ANO3: variants seen among roughly 807,000 people sequenced by gnomAD.
The protein encoded by ANO3 is anoctamin-3.
Under a neutral mutation model 144.8 loss-of-function variants are expected in ANO3, and 99 were observed. The ratio of observed to expected loss-of-function variants is 0.68; its 90% CI spans 0.58 to 0.81. The LOEUF (loss-of-function observed/expected upper bound fraction) is 0.81, where lower values mean the gene tolerates loss of function less well. Ranked by LOEUF, ANO3 falls within the 30% of genes least tolerant of loss-of-function variation. The probability of loss-of-function intolerance (pLI) is 0.00; values close to 1 mark genes in which losing one functional copy is unlikely to be tolerated. For missense variants in ANO3, 905 were observed against 1,202.2 expected (o/e 0.75, Z 3.66); for synonymous variants, 414 against 392.6 (o/e 1.05, Z -0.64).
chr11:26,631,032 T>C (rs971882821), intron 18 of ANO3, among the ~76,000 whole-genome samples: 21 of 152,026 alleles, frequency 1.4e-4, no homozygotes, highest in Admixed American at 2.6e-4. Flanking sequence ...ACCTACCTAT[T>C]TTTGAGCCAT....
chr11:26,231,323 G>A (rs908996940), intron 1 of ANO3, among the ~76,000 whole-genome samples: 1 of 152,148 alleles, frequency 6.6e-6, no homozygotes, highest in Non-Finnish European at 1.5e-5. Context: ...TGCTGAGAGT[G>A]GCCAAGCTCT....
intron 1 of ANO3, among the ~76,000 whole-genome samples, chr11:26,252,825 C>A (rs1378170574): frequency 6.6e-6 from 1 of 152,114 alleles, no homozygotes; most frequent in Non-Finnish European, 1.5e-5. Flanking sequence ...AAAGTATGAA[C>A]AAAATTCACA....
intron 1 of ANO3, among the ~76,000 whole-genome samples, chr11:26,419,211 A>C (rs1429932163): frequency 6.6e-6 from 1 of 152,120 alleles, no homozygotes; most frequent in Non-Finnish European, 1.5e-5. Flanking sequence ...AGATCTTATG[A>C]GAACTCTATC....
At chr11:26,260,175 T>C (rs1564937828) in intron 1 of ANO3, among the ~76,000 whole-genome samples, 1 of 151,994 alleles carries the variant, frequency 6.6e-6, no homozygotes, top group Admixed American at 6.6e-5. Flanking sequence ...TCTTTATCTC[T>C]TGATAAGGAA....
chr11:26,564,998 T>C (rs567249833), intron 14 of ANO3, among the ~76,000 whole-genome samples: 36 of 151,260 alleles, frequency 2.4e-4, no homozygotes, highest in Middle Eastern at 6.8e-3. Flanking sequence ...CTAAAACCAC[T>C]TCACTATTTC....
chr11:26,273,449 C>T (rs1853490459), intron 1 of ANO3, among the ~76,000 whole-genome samples: 1 of 151,804 alleles, frequency 6.6e-6, no homozygotes, highest in South Asian at 2.1e-4. Context: ...GAGAAAATAT[C>T]GTGGAAGTCT....
At chr11:26,545,420 A>G (rs1849761092) in intron 11 of ANO3, among the ~76,000 whole-genome samples, 1 of 152,046 alleles carries the variant, frequency 6.6e-6, no homozygotes, top group Non-Finnish European at 1.5e-5. Flanking sequence ...AAATTTAAAC[A>G]TTTTGTAGCT....
chr11:26,655,952 A>G (rs150651195), intron 24 of ANO3, among the ~76,000 whole-genome samples, 173 bp from the exon 25 acceptor site: 43 of 152,320 alleles, frequency 2.8e-4, no homozygotes, highest in Middle Eastern at 3.4e-3. Flanking sequence ...AATCTGTCTC[A>G]TTAAGGTACA....
chr11:26,508,608 G>A (rs2134137477), intron 5 of ANO3: 1 of 240,362 alleles, frequency 4.2e-6, no homozygotes, highest in East Asian at 7.8e-5. Context: ...CTGTTTTTTA[G>A]TGCTGGAACT....
At chr11:26,474,175 A>T in intron 4 of ANO3, 1 of 903,740 alleles carries the variant, frequency 1.1e-6, no homozygotes, top group Non-Finnish European at 1.3e-6. Context: ...CTATTTTTCT[A>T]TTTTCTTAAA....
At chr11:26,450,488 C>A (rs1167552808) in intron 3 of ANO3, among the ~76,000 whole-genome samples, 1 of 152,138 alleles carries the variant, frequency 6.6e-6, no homozygotes, top group East Asian at 1.9e-4. Flanking sequence ...GTCCTAACCA[C>A]AGAGCAAGCC....
intron 14 of ANO3, chr11:26,563,143 G>A (rs772094328): frequency 5.6e-6 from 9 of 1,611,784 alleles, no homozygotes; most frequent in South Asian, 4.4e-5. Context: ...TCATAAAGTC[G>A]CCGATGGGAA....
intron 1 of ANO3, among the ~76,000 whole-genome samples, chr11:26,214,401 G>T (rs1219544289): frequency 6.6e-6 from 1 of 151,650 alleles, no homozygotes; most frequent in East Asian, 1.9e-4. Flanking sequence ...AAAGAACTAG[G>T]GTTGGATTTT....
At chr11:26,355,705 G>A (rs1354375105) in intron 1 of ANO3, among the ~76,000 whole-genome samples, 3 of 151,698 alleles carry the variant, frequency 2.0e-5, no homozygotes, top group Non-Finnish European at 2.9e-5. Flanking sequence ...GATTACAGGC[G>A]CCCCCCACCA....
chr11:26,286,788 C>G (rs1018312428), intron 1 of ANO3, among the ~76,000 whole-genome samples: 3 of 152,114 alleles, frequency 2.0e-5, no homozygotes, highest in African/African-American at 7.2e-5. Flanking sequence ...ATTTGCTGAT[C>G]GTTATTGTTA....
intron 1 of ANO3, among the ~76,000 whole-genome samples, chr11:26,339,787 T>C (rs1424910910): frequency 6.6e-6 from 1 of 152,210 alleles, no homozygotes; most frequent in African/African-American, 2.4e-5. Context: ...TACAGAAGCG[T>C]GAAATAATAT....
intron 1 of ANO3, among the ~76,000 whole-genome samples, chr11:26,279,677 C>G (rs1289064309): frequency 6.6e-6 from 1 of 152,108 alleles, no homozygotes; most frequent in Non-Finnish European, 1.5e-5. Context: ...CAGGGACTTG[C>G]AAGTGGGGTC....
intron 1 of ANO3, among the ~76,000 whole-genome samples, chr11:26,324,498 A>T (rs1590260832): frequency 6.6e-6 from 1 of 152,260 alleles, no homozygotes; most frequent in East Asian, 1.9e-4. Context: ...AGACACGCCA[A>T]TGACTGGACA....
At chr11:26,339,386 C>G (rs1391226782) in intron 1 of ANO3, among the ~76,000 whole-genome samples, 1 of 152,046 alleles carries the variant, frequency 6.6e-6, no homozygotes, top group Non-Finnish European at 1.5e-5. Flanking sequence ...AACTCCTGAC[C>G]CAGGCGATCC....
Sources: gnomAD v4.1 joint callset for allele counts (sites outside exome capture counted in the v4.1 genomes callset) on GRCh38, gnomAD v4.1.1 for gene constraint, MANE v1.5 for transcripts, NCBI Gene and HGNC (gene_info 2026-07-23, HGNC 2026-07-21) for gene names.